Variants in UNC5C observed in about 807,000 individuals in gnomAD.
UNC5C encodes netrin receptor UNC5C.
A neutral mutation model predicts 99.8 loss-of-function variants in UNC5C; 47 were observed. The ratio of observed to expected loss-of-function variants is 0.47; its 90% CI spans 0.37 to 0.60. The LOEUF (loss-of-function observed/expected upper bound fraction) is 0.60. Ranked by LOEUF, UNC5C falls within the 20% of genes least tolerant of loss-of-function variation. The probability of loss-of-function intolerance (pLI) is 0.00; values close to 1 mark genes in which losing one functional copy is unlikely to be tolerated. For synonymous variants in UNC5C, 487 were observed against 452.2 expected, an observed-to-expected ratio of 1.08 and a Z score of -0.98; for missense variants, 1,062 against 1,165.9, an observed-to-expected ratio of 0.91 and a Z score of 1.30.
chr4:95,496,186 G>A lies in UNC5C; in HGVS notation c.124+52548C>T, dbSNP rs577070025. On this transcript the variant is annotated intron_variant, in intron 1 of 15. Coordinates refer to ENST00000453304, the MANE Select transcript of UNC5C (RefSeq NM_003728.4). ...AAGAGTGGCATCCTGTTCTGACAGT[G>A]TATATAGTATTTACATATTTTAGCT... Among the ~76,000 whole-genome samples the A allele has an allele frequency of 5.5e-4, 83 of 151,844 alleles. No homozygotes were observed. In the South Asian group the frequency reaches 0.015, roughly 28 times the overall value.
chr4:95,392,776 A>G (rs1745399382), intron 1 of UNC5C, among the ~76,000 whole-genome samples: 1 of 152,144 alleles, frequency 6.6e-6, no homozygotes, highest in Admixed American at 6.6e-5. Context: ...CACTACAGAA[A>G]TCTTATCACT....
chr4:95,481,880 A>G (rs1199087489), intron 1 of UNC5C, among the ~76,000 whole-genome samples: 1 of 152,052 alleles, frequency 6.6e-6, no homozygotes, highest in Non-Finnish European at 1.5e-5. Context: ...AAAGACTTCA[A>G]TGTTAAACCT....
chr4:95,541,727 A>G (rs1363938104), intron 1 of UNC5C, among the ~76,000 whole-genome samples: 3 of 152,196 alleles, frequency 2.0e-5, no homozygotes, highest in African/African-American at 7.2e-5. Flanking sequence ...TATATCCCTT[A>G]CAACTGGACT....
chr4:95,294,504 G>A (rs1741603017), intron 3 of UNC5C, among the ~76,000 whole-genome samples: 1 of 152,172 alleles, frequency 6.6e-6, no homozygotes, highest in Admixed American at 6.5e-5. Flanking sequence ...CCATCCTGCT[G>A]TTCCCCGGAA....
chr4:95,542,851 A>G (rs1722951734), intron 1 of UNC5C, among the ~76,000 whole-genome samples: 1 of 152,252 alleles, frequency 6.6e-6, no homozygotes, highest in Non-Finnish European at 1.5e-5. Context: ...TAGCTCATAA[A>G]AGTGTTCCTA....
At chr4:95,379,948 G>T (rs1304481228) in intron 1 of UNC5C, among the ~76,000 whole-genome samples, 2 of 152,186 alleles carry the variant, frequency 1.3e-5, no homozygotes, top group East Asian at 3.9e-4. Context: ...GTGGCTGAAA[G>T]ACGTGTGGCT....
In UNC5C at chr4:95,242,544, C is replaced by T. The variant is rs1345730446; in HGVS notation, c.993G>A (p.Glu331=). 1 of 1,610,102 alleles carries T rather than the reference C, an allele frequency of 6.2e-7. No homozygotes were observed. Among genetic ancestry groups the T allele is most frequent in the Non-Finnish European group, 8.5e-7 (1 of 1,178,122 alleles). ...ACTCCCTCCTGCGCCAGTGGGTGCA[C>T]TCAGTTCCACAAGTAGACCACTTGC... ...PWSKWSTCGT[E]CTHWRRRECT... Residue 331 remains glutamate, a synonymous_variant, in exon 7 of 16, where the codon GAG becomes GAA. Transcript: ENST00000453304.
At chr4:95,242,646 G>A in intron 6 of UNC5C, 53 bp from the exon 7 acceptor site, 1 of 1,477,668 alleles carries the variant, frequency 6.8e-7, no homozygotes, top group South Asian at 1.4e-5. Context: ...GCTGCTTAAG[G>A]GATGGAGCAG....
intron 1 of UNC5C, among the ~76,000 whole-genome samples, chr4:95,507,849 G>C (rs776851101): frequency 3.3e-5 from 5 of 151,930 alleles, no homozygotes; most frequent in Non-Finnish European, 7.4e-5. Flanking sequence ...CTGTCATCTT[G>C]TTGTTAATGC....
At chr4:95,242,130 C>G (rs1472092292) in intron 7 of UNC5C, among the ~76,000 whole-genome samples, 1 of 152,238 alleles carries the variant, frequency 6.6e-6, no homozygotes, top group East Asian at 1.9e-4. Flanking sequence ...GTTTAGAGTG[C>G]TCTTTTGTGC....
intron 1 of UNC5C, among the ~76,000 whole-genome samples, chr4:95,516,229 C>A (rs1192508901): frequency 6.6e-6 from 1 of 152,120 alleles, no homozygotes; most frequent in Non-Finnish European, 1.5e-5. Context: ...TAAATTAGCA[C>A]ATATTTAACT....
intron 1 of UNC5C, among the ~76,000 whole-genome samples, chr4:95,348,943 A>C (rs968538618): frequency 7.2e-6 from 1 of 139,616 alleles, no homozygotes; most frequent in African/African-American, 2.6e-5. Flanking sequence ...GAGAAAGAGA[A>C]TAGAATGATG....
At chr4:95,498,827 A>C (rs1313968422) in intron 1 of UNC5C, among the ~76,000 whole-genome samples, 2 of 152,012 alleles carry the variant, frequency 1.3e-5, no homozygotes, top group Admixed American at 1.3e-4. Flanking sequence ...AAGGATTCTA[A>C]GTTTGGTCAA....
chr4:95,457,148 A>T (rs1403611917), intron 1 of UNC5C, among the ~76,000 whole-genome samples: 1 of 152,156 alleles, frequency 6.6e-6, no homozygotes, highest in Non-Finnish European at 1.5e-5. Flanking sequence ...ATAATATGTT[A>T]TTCAATGTTG....
At chr4:95,445,194 T>A (rs1379489452) in intron 1 of UNC5C, among the ~76,000 whole-genome samples, 3 of 152,210 alleles carry the variant, frequency 2.0e-5, no homozygotes, top group Non-Finnish European at 2.9e-5. Context: ...AGGGGATGAT[T>A]TGTAAATTAA....
At chr4:95,324,260 T>C (rs1309763293) in intron 2 of UNC5C, among the ~76,000 whole-genome samples, 1 of 152,060 alleles carries the variant, frequency 6.6e-6, no homozygotes, top group African/African-American at 2.4e-5. Context: ...ACAAACCATA[T>C]TGTGAACTGC....
chr4:95,502,766 C>T (rs1721809908), intron 1 of UNC5C, among the ~76,000 whole-genome samples: 1 of 151,956 alleles, frequency 6.6e-6, no homozygotes, highest in South Asian at 2.1e-4. Context: ...AAAATTGTTC[C>T]CTGTAACTTC....
intron 7 of UNC5C, among the ~76,000 whole-genome samples, chr4:95,234,744 A>G (rs1164875223): frequency 6.6e-6 from 1 of 152,182 alleles, no homozygotes; most frequent in African/African-American, 2.4e-5. Flanking sequence ...CGTAGGAACT[A>G]CTTTTTCAGG....
At chr4:95,304,043 C>A (rs531391209) in intron 2 of UNC5C, among the ~76,000 whole-genome samples, 1 of 152,232 alleles carries the variant, frequency 6.6e-6, no homozygotes, top group African/African-American at 2.4e-5. Context: ...AGCTGTCCCA[C>A]TGGGGGAACA....
Sources: gnomAD v4.1 joint callset for allele counts (sites outside exome capture counted in the v4.1 genomes callset) on GRCh38, gnomAD v4.1.1 for gene constraint, MANE v1.5 for transcripts, NCBI Gene and HGNC (gene_info 2026-07-23, HGNC 2026-07-21) for gene names.